Variants in P2RY8 observed in about 807,000 individuals in gnomAD.
P2RY8 encodes P2Y receptor family member 8, also known as S-geranylgeranyl-glutathione receptor P2RY8.
In P2RY8, 6 loss-of-function variants were observed where a neutral mutation model predicts 10.0. That is an observed-to-expected ratio of 0.60 (90% CI 0.33 to 1.19). The LOEUF (loss-of-function observed/expected upper bound fraction) is 1.19. P2RY8 is among the 50% of genes most tolerant of loss of function. P2RY8 has a pLI of 0.04. For missense variants in P2RY8, 456 were observed against 542.0 expected, an observed-to-expected ratio of 0.84 and a Z score of 1.58; for synonymous variants, 276 against 252.5, an observed-to-expected ratio of 1.09 and a Z score of -0.88.
intron 1 of P2RY8, among the ~76,000 whole-genome samples, chrX:1,532,455 A>G (rs5989810): frequency 0.32 from 3,035 of 9,466 alleles, 180 homozygotes; most frequent in Middle Eastern, 0.5. Context: ...GTATATGTGT[A>G]TATATACACA....
intron 1 of P2RY8, among the ~76,000 whole-genome samples, chrX:1,481,321 G>T (rs7886241): frequency 0.037 from 5,609 of 152,128 alleles, 334 homozygotes; most frequent in African/African-American, 0.13. Context: ...CTGCCACCAC[G>T]CCTGGCTAAG....
intron 1 of P2RY8, among the ~76,000 whole-genome samples, chrX:1,495,621 G>A (rs2092108808): frequency 7.0e-6 from 1 of 142,188 alleles, no homozygotes. Flanking sequence ...GGTATTCTGG[G>A]ATAGTCGTTC....
intron 1 of P2RY8, among the ~76,000 whole-genome samples, chrX:1,533,122 A>G (rs1158258541): frequency 6.6e-6 from 1 of 150,756 alleles, no homozygotes; most frequent in African/African-American, 2.4e-5. Context: ...AAAGGCCACA[A>G]ACCGGGTTCA....
chrX:1,467,985 T>C (rs1215556452), intron 1 of P2RY8, among the ~76,000 whole-genome samples: 13 of 151,512 alleles, frequency 8.6e-5, no homozygotes, highest in African/African-American at 3.2e-4. Flanking sequence ...CCAGCTAACA[T>C]TTTTATTTTT....
chrX:1,518,119 TA>T (rs112264225), intron 1 of P2RY8, among the ~76,000 whole-genome samples: 132,841 of 149,214 alleles, frequency 0.89, 59,175 homozygotes, highest in East Asian at 1. Context: ...CAAAAAAAAA[TA>T]AAAAAATAAA....
chrX:1,468,077 G>A (rs2091717037), intron 1 of P2RY8, among the ~76,000 whole-genome samples: 1 of 151,014 alleles, frequency 6.6e-6, no homozygotes, highest in South Asian at 2.1e-4. Flanking sequence ...ACCTGGGACT[G>A]CAGGTGCATG....
chrX:1,522,163 C>T (rs1325037823), intron 1 of P2RY8, among the ~76,000 whole-genome samples: 1 of 151,500 alleles, frequency 6.6e-6, no homozygotes, highest in Non-Finnish European at 1.5e-5. Context: ...CCATGTTAGC[C>T]AGGCTAGTCT....
chrX:1,475,056 C>T (rs1220580237), intron 1 of P2RY8, among the ~76,000 whole-genome samples: 19 of 114,054 alleles, frequency 1.7e-4, no homozygotes, highest in Admixed American at 3.6e-4. Context: ...GATGGATAGA[C>T]GGGTGGATGG....
Position 1,465,411 on chromosome X carries a change from G to A in P2RY8, c.*68C>T. The A allele has an allele frequency of 5.2e-6, 8 of 1,527,968 alleles. No homozygotes were observed. Among genetic ancestry groups the A allele is most frequent in the South Asian group, 2.6e-5 (2 of 77,944 alleles). 94.7% of individuals were successfully genotyped at this position (1,527,968 alleles called of 1,614,324 possible). A position where few individuals can be genotyped will look rare whatever the true frequency, so the allele number is the denominator to read the frequency against. ...CTGTTCTCCCTGAACCTCTGGCACC[G>A]TGGCCTCTCCATGCGCCCCTGGATC... On this transcript the variant is annotated 3_prime_UTR_variant, in exon 2 of 2. Transcript: ENST00000381297.
In P2RY8 at chrX:1,465,381, C is replaced by T. The variant is rs2091650156; in HGVS notation, c.*98G>A. On this transcript the variant is annotated 3_prime_UTR_variant, in exon 2 of 2. Transcript: ENST00000381297. Reference sequence around the variant, plus strand: ...GGGCCTCTGCAGTGCCTGGGAGCAACGCAGCTGTTCTCCCTGAACCTCTGG... The same window carrying T: ...GGGCCTCTGCAGTGCCTGGGAGCAATGCAGCTGTTCTCCCTGAACCTCTGG... 42 of 1,498,768 alleles carry T rather than the reference C, an allele frequency of 2.8e-5. No homozygotes were observed. The South Asian group carries it at 5.3e-4, about 19-fold the overall frequency. 92.8% of individuals were successfully genotyped at this position (1,498,768 alleles called of 1,614,324 possible). A position where few individuals can be genotyped will look rare whatever the true frequency, so the allele number is the denominator to read the frequency against.
chrX:1,502,672 G>T (rs1316127550), intron 1 of P2RY8, among the ~76,000 whole-genome samples: 1 of 152,216 alleles, frequency 6.6e-6, no homozygotes, highest in African/African-American at 2.4e-5. Context: ...GGAAAAGAGG[G>T]TCTTTGCAGA....
At chrX:1,475,569 G>A (rs1389874646) in intron 1 of P2RY8, among the ~76,000 whole-genome samples, 1 of 151,602 alleles carries the variant, frequency 6.6e-6, no homozygotes, top group African/African-American at 2.4e-5. Context: ...AGAAAAGAGA[G>A]GAAAAGTTTT....
Position 1,465,165 on chromosome X carries a change from A to C in P2RY8, c.*314T>G, listed in dbSNP as rs2091645925. 4 of 445,712 alleles carry C rather than the reference A, an allele frequency of 9.0e-6. No homozygotes were observed. In the South Asian group the frequency reaches 1.7e-4, roughly 18 times the overall value. The allele number at this position is 445,712 out of a possible 1,614,324, so 27.6% of individuals were successfully genotyped here. ...CAGCTCTACTAAAAAAAATACAAAAATTAGCCGGGCGTGGTGACACAAGCT... is the reference window on the plus strand; with the variant it reads ...CAGCTCTACTAAAAAAAATACAAAACTTAGCCGGGCGTGGTGACACAAGCT... On this transcript the variant is annotated 3_prime_UTR_variant, in exon 2 of 2. Coordinates refer to ENST00000381297, the MANE Select transcript of P2RY8 (RefSeq NM_178129.5).
chrX:1,529,893 A>T (rs2092461090), intron 1 of P2RY8, among the ~76,000 whole-genome samples: 1 of 151,684 alleles, frequency 6.6e-6, no homozygotes, highest in Non-Finnish European at 1.5e-5. Flanking sequence ...GTCTGAGGAC[A>T]GTTCTGGTTG....
Position 1,514,671 on chromosome X carries a change from CTTCCT to C in P2RY8, c.-25+22245_-25+22249del, listed in dbSNP as rs1198685977. On this transcript the variant is annotated intron_variant, in intron 1 of 1. Coordinates refer to ENST00000381297, the MANE Select transcript of P2RY8 (RefSeq NM_178129.5). ...CCTTTCCTCCCCTCCCTTCCCTTCC[CTTCCT>C]TTCCCTTCCCTTCCCTTCCTTCCCT... Among the ~76,000 whole-genome samples the C allele has an allele frequency of 3.7e-3, 3 of 808 alleles. 1 individual carries two copies. The Non-Finnish European group carries it at 0.12, about 34-fold the overall frequency. 0.5% of individuals were successfully genotyped at this position (808 alleles called of 152,430 possible). A position where few individuals can be genotyped will look rare whatever the true frequency, so the allele number is the denominator to read the frequency against.
intron 1 of P2RY8, among the ~76,000 whole-genome samples, chrX:1,503,386 C>G (rs2092198204): frequency 6.6e-6 from 1 of 152,210 alleles, no homozygotes; most frequent in South Asian, 2.1e-4. Flanking sequence ...CTCTGCACCC[C>G]TAAAATAATT....
intron 1 of P2RY8, among the ~76,000 whole-genome samples, chrX:1,492,761 G>A (rs1228185565): frequency 6.6e-6 from 1 of 152,116 alleles, no homozygotes; most frequent in Non-Finnish European, 1.5e-5. Flanking sequence ...AATTGTCCTA[G>A]TTCCAGAGAG....
At chrX:1,533,031 GAAAGAAA>G (rs1416513066) in intron 1 of P2RY8, among the ~76,000 whole-genome samples, 16 of 130,028 alleles carry the variant, frequency 1.2e-4, no homozygotes, top group Admixed American at 3.9e-4. Context: ...AAAAACGAAA[GAAAGAAA>G]AAAGAAAAAA....
chrX:1,511,481 T>G (rs1280065105), intron 1 of P2RY8, among the ~76,000 whole-genome samples: 1 of 152,234 alleles, frequency 6.6e-6, no homozygotes, highest in South Asian at 2.1e-4. Context: ...TGTTAGGCTA[T>G]ACAAATCAAG....
Sources: allele counts gnomAD v4.1 joint callset (sites outside exome capture counted in the v4.1 genomes callset), GRCh38; gene constraint gnomAD v4.1.1; transcripts MANE v1.5; gene names NCBI Gene and HGNC (gene_info 2026-07-23, HGNC 2026-07-21).